NCOA7: variants seen among roughly 807,000 people sequenced by gnomAD.
NCOA7 encodes the protein nuclear receptor coactivator 7.
Under a neutral mutation model 104.3 loss-of-function variants are expected in NCOA7, and 45 were observed. The ratio of observed to expected loss-of-function variants is 0.43; its 90% CI spans 0.34 to 0.55. The LOEUF (loss-of-function observed/expected upper bound fraction) is 0.55. Ranked by LOEUF, NCOA7 falls within the 20% of genes least tolerant of loss-of-function variation. The pLI, the probability that NCOA7 is intolerant of heterozygous loss-of-function variation, is 0.02. For synonymous variants in NCOA7, 398 were observed against 402.3 expected (o/e 0.99, Z 0.13); for missense variants, 1,041 against 1,119.7 (o/e 0.93, Z 1.00).
chr6:125,882,090 G>C (rs1783886411), intron 6 of NCOA7, among the ~76,000 whole-genome samples: 1 of 152,170 alleles, frequency 6.6e-6, no homozygotes, highest in Non-Finnish European at 1.5e-5. Flanking sequence ...CTGACCTCAG[G>C]TGATCTGCCC....
chr6:125,895,229 G>A lies in NCOA7; in HGVS notation c.2096+4419G>A, dbSNP rs185860124. On this transcript the variant is annotated intron_variant, in intron 10 of 15. Coordinates refer to ENST00000392477, the MANE Select transcript of NCOA7 (RefSeq NM_181782.5). ...TTAAAATAAATAAGATGGAAATAGT[G>A]TTAAGTAGCAGGAATTATGTAGAGT... 8.9e-4 allele frequency among the ~76,000 whole-genome samples: 135 copies of A among 152,200 alleles called. 1 individual carries two copies. Among genetic ancestry groups the A allele is most frequent in the African/African-American group, 3.3e-3 (135 of 41,534 alleles).
chr6:125,862,210 T>C lies in NCOA7; in HGVS notation c.271+6970T>C, dbSNP rs1284887698. The stretch of plus-strand genomic sequence containing the variant: ...AGAAGATGCTTTCATGAGCTAAAAC[T>C]CATGCCTAAGTGGAGAAATAAGAGC... On this transcript the variant is annotated intron_variant, in intron 3 of 15. Coordinates refer to ENST00000392477, the MANE Select transcript of NCOA7 (RefSeq NM_181782.5). 3.7e-5 allele frequency among the ~76,000 whole-genome samples: 5 copies of C among 136,794 alleles called. 1 individual carries two copies. The allele number at this position is 136,794 out of a possible 152,430, so 89.7% of individuals were successfully genotyped here.
intron 2 of NCOA7, among the ~76,000 whole-genome samples, chr6:125,819,805 C>T (rs928207806): frequency 2.6e-5 from 4 of 152,188 alleles, no homozygotes; most frequent in African/African-American, 9.7e-5. Flanking sequence ...TCTTCTTACA[C>T]ACTTGCTTGA....
At chr6:125,809,545 T>C (rs1057458737) in intron 1 of NCOA7, among the ~76,000 whole-genome samples, 1 of 152,218 alleles carries the variant, frequency 6.6e-6, no homozygotes, top group African/African-American at 2.4e-5. Flanking sequence ...GTTTCTCTAC[T>C]GTTACAGGGA....
chr6:125,895,296 T>C (rs1458820788), intron 10 of NCOA7, among the ~76,000 whole-genome samples: 1 of 152,160 alleles, frequency 6.6e-6, no homozygotes, highest in Non-Finnish European at 1.5e-5. Context: ...ACTTTTTAAG[T>C]TGGTTAGTGT....
intron 1 of NCOA7, among the ~76,000 whole-genome samples, chr6:125,799,443 CTT>C (rs35143077): frequency 3.0e-3 from 410 of 137,926 alleles, no homozygotes; most frequent in African/African-American, 3.7e-3. Context: ...CTTAGTTGTT[CTT>C]TTTTTTTTTT....
At chr6:125,825,535 A>G (rs1002085368) in intron 2 of NCOA7, among the ~76,000 whole-genome samples, 4 of 152,250 alleles carry the variant, frequency 2.6e-5, no homozygotes, top group Non-Finnish European at 5.9e-5. Flanking sequence ...CACGATTTAG[A>G]GCTAGAAGAG....
intron 15 of NCOA7, 59 bp downstream of exon 15, chr6:125,928,306 T>C: frequency 6.7e-7 from 1 of 1,484,026 alleles, no homozygotes. Flanking sequence ...CCTGAGTGGG[T>C]CTGTTTTGAC....
At chr6:125,809,980 T>G (rs1776820738) in intron 1 of NCOA7, among the ~76,000 whole-genome samples, 1 of 152,104 alleles carries the variant, frequency 6.6e-6, no homozygotes, top group South Asian at 2.1e-4. Context: ...TTAATTAATT[T>G]CCTGAATTCA....
At chr6:125,830,871 GA>G in intron 2 of NCOA7, among the ~76,000 whole-genome samples, 1 of 151,818 alleles carries the variant, frequency 6.6e-6, no homozygotes. Flanking sequence ...AGTGAGGGGG[GA>G]AAAGTGTTTT....
chr6:125,864,352 G>A (rs1370633758), intron 3 of NCOA7, among the ~76,000 whole-genome samples: 2 of 137,646 alleles, frequency 1.5e-5, no homozygotes, highest in Non-Finnish European at 3.1e-5. Context: ...TCACCTACAT[G>A]CATATAAAAA....
intron 3 of NCOA7, among the ~76,000 whole-genome samples, chr6:125,863,162 T>A (rs1360601192): frequency 7.2e-6 from 1 of 138,792 alleles, no homozygotes; most frequent in Non-Finnish European, 1.5e-5. Flanking sequence ...GGAGCATGAA[T>A]GTTCACAGTT....
chr6:125,930,584 T>C lies in NCOA7; in HGVS notation c.*1813T>C, dbSNP rs1445874142. ...TTTAAAAAAGCAATTCTTAGAATAC[T>C]TCCTTTACATTATTCTCCTATTTTA... On this transcript the variant is annotated 3_prime_UTR_variant, in exon 16 of 16. Transcript: ENST00000392477. The C allele has an allele frequency of 1.3e-5, 2 of 152,660 alleles. No homozygotes were observed. Among genetic ancestry groups the C allele is most frequent in the African/African-American group, 4.8e-5 (2 of 41,464 alleles). The allele number at this position is 152,660 out of a possible 1,614,324, so 9.5% of individuals were successfully genotyped here. A position where few individuals can be genotyped will look rare whatever the true frequency, so the allele number is the denominator to read the frequency against.
At chr6:125,825,762 G>A (rs542072242) in intron 2 of NCOA7, among the ~76,000 whole-genome samples, 6 of 151,990 alleles carry the variant, frequency 3.9e-5, no homozygotes, top group Admixed American at 6.6e-5. Flanking sequence ...GGGGATGGGC[G>A]GGGAGATAGT....
chr6:125,848,367 A>G (rs1780811596), intron 2 of NCOA7, among the ~76,000 whole-genome samples: 1 of 152,210 alleles, frequency 6.6e-6, no homozygotes, highest in Non-Finnish European at 1.5e-5. Context: ...TTATTGCGGC[A>G]CTATTCACAA....
At chr6:125,809,239 A>G (rs953919389) in intron 1 of NCOA7, among the ~76,000 whole-genome samples, 2 of 151,556 alleles carry the variant, frequency 1.3e-5, no homozygotes, top group African/African-American at 4.9e-5. Context: ...CCCAGGCTGG[A>G]GTGCAGTGGT....
intron 5 of NCOA7, 102 bp from the exon 6 acceptor site, chr6:125,880,988 A>G: frequency 1.3e-6 from 1 of 779,784 alleles, no homozygotes; most frequent in Non-Finnish European, 2.3e-6. Flanking sequence ...GGTCGTAATC[A>G]TGCACTGAAC....
At chr6:125,802,650 C>T (rs543995001) in intron 1 of NCOA7, among the ~76,000 whole-genome samples, 4 of 152,206 alleles carry the variant, frequency 2.6e-5, no homozygotes, top group African/African-American at 7.2e-5. Flanking sequence ...GCAAAGGGTA[C>T]GGATGTATAA....
intron 10 of NCOA7, among the ~76,000 whole-genome samples, chr6:125,906,780 G>A (rs1786051490): frequency 6.6e-6 from 1 of 152,162 alleles, no homozygotes; most frequent in Admixed American, 6.5e-5. Context: ...AGAGCTTGAG[G>A]TCTGTTTCCA....
Sources: gnomAD v4.1 joint callset for allele counts (sites outside exome capture counted in the v4.1 genomes callset) on GRCh38, gnomAD v4.1.1 for gene constraint, MANE v1.5 for transcripts, NCBI Gene and HGNC (gene_info 2026-07-23, HGNC 2026-07-21) for gene names.